PTPRD: variants seen among roughly 807,000 people sequenced by gnomAD.
PTPRD encodes receptor-type tyrosine-protein phosphatase delta.
A neutral mutation model predicts 214.5 loss-of-function variants in PTPRD; 34 were observed. The observed-to-expected ratio is 0.16, with a 90% CI of 0.12 to 0.21. The LOEUF (loss-of-function observed/expected upper bound fraction) is 0.21. Among genes scored for constraint, PTPRD ranks in the 10% least tolerant of loss-of-function variants. The pLI is 1.00. For synonymous variants in PTPRD, 1,128 were observed against 845.7 expected (o/e 1.33, Z -5.79); for missense variants, 2,545 against 2,398.7 (o/e 1.06, Z -1.27).
intron 2 of PTPRD, among the ~76,000 whole-genome samples, chr9:10,412,843 G>A (rs2098451245): frequency 2.0e-5 from 3 of 151,694 alleles, no homozygotes; most frequent in Admixed American, 1.3e-4. Flanking sequence ...ATCACATAAA[G>A]AGAAGTAAAG....
chr9:9,331,784 G>A (rs143879766), intron 9 of PTPRD, among the ~76,000 whole-genome samples: 1 of 152,078 alleles, frequency 6.6e-6, no homozygotes, highest in East Asian at 1.9e-4. Flanking sequence ...TAGGTGCAGT[G>A]ACATAGCAGA....
intron 9 of PTPRD, among the ~76,000 whole-genome samples, chr9:9,381,134 C>G (rs2062100002): frequency 6.6e-6 from 1 of 152,028 alleles, no homozygotes; most frequent in Non-Finnish European, 1.5e-5. Context: ...TTTTGATCTA[C>G]TCTGACAATC....
chr9:8,840,980 T>C (rs1038320119), intron 11 of PTPRD, among the ~76,000 whole-genome samples: 1 of 152,158 alleles, frequency 6.6e-6, no homozygotes, highest in Non-Finnish European at 1.5e-5. Context: ...GTCCCCAGTC[T>C]CTTTTCCTAT....
At chr9:8,504,208 A>G in intron 23 of PTPRD, 53 bp downstream of exon 23, 5 of 1,594,828 alleles carry the variant, frequency 3.1e-6, no homozygotes, top group Non-Finnish European at 4.3e-6. Flanking sequence ...AAAGCTAGCA[A>G]CATCTCCCCG....
intron 11 of PTPRD, among the ~76,000 whole-genome samples, chr9:8,827,027 T>C (rs1041632283): frequency 2.0e-5 from 3 of 152,038 alleles, no homozygotes; most frequent in African/African-American, 7.2e-5. Context: ...AGTGTCTTTC[T>C]ACCCCTACAC....
chr9:9,525,608 A>T (rs966718588), intron 8 of PTPRD, among the ~76,000 whole-genome samples: 8 of 150,170 alleles, frequency 5.3e-5, no homozygotes, highest in East Asian at 1.9e-4. Flanking sequence ...TTGTTAAATA[A>T]TTTTTTTTTT....
intron 14 of PTPRD, among the ~76,000 whole-genome samples, chr9:8,617,286 G>A (rs116734709): frequency 1.4e-3 from 213 of 152,146 alleles, no homozygotes; most frequent in African/African-American, 4.9e-3. Flanking sequence ...TGTCTACTCA[G>A]TGTCTCTGAT....
chr9:8,756,968 CTG>C (rs1210677468), intron 11 of PTPRD, among the ~76,000 whole-genome samples: 1 of 151,984 alleles, frequency 6.6e-6, no homozygotes, highest in East Asian at 1.9e-4. Flanking sequence ...TGGTGAAACC[CTG>C]TCTCTACTAA....
At chr9:8,911,415 T>TGTGTTGTGTGTGTGTG (rs1555510111) in intron 11 of PTPRD, among the ~76,000 whole-genome samples, 2 of 127,632 alleles carry the variant, frequency 1.6e-5, no homozygotes, top group African/African-American at 5.4e-5. Context: ...TGTGTGTGTG[T>TGTGTTGTGTGTGTGTG]TGTGTGTGTG....
intron 2 of PTPRD, among the ~76,000 whole-genome samples, chr9:10,484,068 T>C (rs529566162): frequency 1.3e-5 from 2 of 152,194 alleles, no homozygotes; most frequent in Admixed American, 1.3e-4. Flanking sequence ...GGTATGTGTG[T>C]AAACATACAC....
intron 3 of PTPRD, among the ~76,000 whole-genome samples, chr9:10,224,703 C>A (rs1564631824): frequency 6.6e-6 from 1 of 152,002 alleles, no homozygotes; most frequent in Non-Finnish European, 1.5e-5. Context: ...TCCACTGACA[C>A]ACACATTTTC....
At position 9,921,808 on chromosome 9, in the gene PTPRD, G is replaced by A. The variant is rs527257019; in HGVS notation, c.-368+16699C>T. 1.1e-3 allele frequency among the ~76,000 whole-genome samples: 165 copies of A among 151,382 alleles called. 5 individuals carry two copies. In the South Asian group the frequency reaches 0.033, roughly 31 times the overall value. On this transcript the variant is annotated intron_variant, in intron 5 of 45. Coordinates refer to ENST00000381196, the MANE Select transcript of PTPRD (RefSeq NM_002839.4). ...GACAATAGTGTAATTGAGAGCAGCT[G>A]ATATTATGTGTCCCACACTGTTCTA...
chr9:9,537,976 C>G (rs184112373), intron 8 of PTPRD, among the ~76,000 whole-genome samples: 198 of 151,734 alleles, frequency 1.3e-3, no homozygotes, highest in African/African-American at 4.3e-3. Flanking sequence ...TGTTACTATG[C>G]ATATTTTTAC....
intron 2 of PTPRD, among the ~76,000 whole-genome samples, chr9:10,474,984 A>G (rs1181064962): frequency 6.6e-6 from 1 of 152,172 alleles, no homozygotes; most frequent in East Asian, 1.9e-4. Flanking sequence ...CAGTTAAATC[A>G]GTATGTAGAG....
rs867897347 is a variant in PTPRD, at chr9:8,317,766, T to A, written c.*108A>T. The A allele has an allele frequency of 8.1e-5, 72 of 893,528 alleles. 1 individual carries two copies. The South Asian group carries it at 1.0e-3, about 13-fold the overall frequency. 55.3% of individuals were successfully genotyped at this position (893,528 alleles called of 1,614,324 possible). On this transcript the variant is annotated 3_prime_UTR_variant, in exon 46 of 46. Transcript: ENST00000381196. The stretch of plus-strand genomic sequence containing the variant: ...GTGTGTAATAGTCCCACTAAGTAGT[T>A]GTTAGCTAGAAGTTAAGAAGGACTT...
rs556257463 is a variant in PTPRD at position 8,534,420 on chromosome 9, G to T, written c.353-5641C>A. Among the ~76,000 whole-genome samples the T allele has an allele frequency of 6.6e-5, 10 of 151,862 alleles. No individual in the cohort carries two copies. In the South Asian group the frequency reaches 1.9e-3, roughly 28 times the overall value. ...TTTTTTTGTTGAGGCAAACACTGTGGGTCTTCCTTCACTGACAGGAATACA... is the reference window on the plus strand; with the variant it reads ...TTTTTTTGTTGAGGCAAACACTGTGTGTCTTCCTTCACTGACAGGAATACA... On this transcript the variant is annotated intron_variant, in intron 14 of 45. Coordinates refer to ENST00000381196, the MANE Select transcript of PTPRD (RefSeq NM_002839.4).
chr9:8,737,901 G>C (rs1156923803), intron 11 of PTPRD, among the ~76,000 whole-genome samples: 1 of 152,120 alleles, frequency 6.6e-6, no homozygotes, highest in East Asian at 1.9e-4. Flanking sequence ...CGCTCGCCTC[G>C]GCCTCCCAAC....
intron 14 of PTPRD, among the ~76,000 whole-genome samples, chr9:8,542,019 G>A (rs10977193): frequency 0.33 from 50,421 of 151,734 alleles, 10,024 homozygotes; most frequent in African/African-American, 0.56. Context: ...GCAACTAGAT[G>A]GAAGAGTTGT....
intron 3 of PTPRD, among the ~76,000 whole-genome samples, chr9:10,247,363 A>T (rs1370328223): frequency 1.3e-5 from 2 of 152,236 alleles, no homozygotes; most frequent in Non-Finnish European, 2.9e-5. Flanking sequence ...TATTAAAATA[A>T]GAAGATCCCT....
Sources: allele counts gnomAD v4.1 joint callset (sites outside exome capture counted in the v4.1 genomes callset), GRCh38; gene constraint gnomAD v4.1.1; transcripts MANE v1.5; gene names NCBI Gene and HGNC (gene_info 2026-07-23, HGNC 2026-07-21).